Variants in XCR1 observed in about 807,000 individuals in gnomAD.
The protein encoded by XCR1 is X-C motif chemokine receptor 1.
For synonymous variants in XCR1, 187 were observed against 188.5 expected, an observed-to-expected ratio of 0.99 and a Z score of 0.06; for missense variants, 356 against 424.2, an observed-to-expected ratio of 0.84 and a Z score of 1.41.
chr3:46,021,429 C>T lies in XCR1; in HGVS notation c.519G>A (p.Ser173=), dbSNP rs941604472. ...LDTIFHKVLS[S]GCDYSELTWY... ...ACGTGAGTTCGGAATAATCACAGCCCGAAGAAAGCACCTTGTGGAAGATGG... is the reference window on the plus strand; with the variant it reads ...ACGTGAGTTCGGAATAATCACAGCCTGAAGAAAGCACCTTGTGGAAGATGG... Residue 173 remains serine, a synonymous_variant, in exon 2 of 2, where the codon TCG becomes TCA. Transcript: ENST00000309285. The surrounding 1 kb of genome is among the most constrained non-coding windows in gnomAD (Gnocchi z 4.7). 8.1e-6 allele frequency: 13 copies of T among 1,613,944 alleles called. No homozygotes were observed. The highest frequency in any genetic ancestry group is 1.6e-4 in the Middle Eastern group (1 of 6,082).
chr3:46,053,627 T>G (rs57135508), intron 5 of XCR1, among the ~76,000 whole-genome samples: 31,581 of 151,744 alleles, frequency 0.21, 3,368 homozygotes, highest in Middle Eastern at 0.34. Flanking sequence ...AGAATAACTT[T>G]AAAACCTTTT....
intron 5 of XCR1, among the ~76,000 whole-genome samples, chr3:46,040,036 C>A (rs1214033536): frequency 6.6e-6 from 1 of 151,616 alleles, no homozygotes; most frequent in Non-Finnish European, 1.5e-5. Context: ...TTAATAATAC[C>A]CCATACAAAG....
chr3:46,023,094 A>T (rs1418665763), intron 1 of XCR1, among the ~76,000 whole-genome samples: 1 of 152,206 alleles, frequency 6.6e-6, no homozygotes, highest in Non-Finnish European at 1.5e-5. Flanking sequence ...TTTTAAAAAC[A>T]CCAGCGCGTG....
At chr3:46,070,168 T>C (rs1305754682) in intron 3 of XCR1, among the ~76,000 whole-genome samples, 6 of 152,176 alleles carry the variant, frequency 3.9e-5, no homozygotes, top group African/African-American at 1.4e-4. Context: ...ATTTTGATCT[T>C]TAAAAATGCA....
At chr3:46,085,130 C>A (rs1043628687) in intron 1 of XCR1, among the ~76,000 whole-genome samples, 3 of 151,804 alleles carry the variant, frequency 2.0e-5, no homozygotes, top group Non-Finnish European at 2.9e-5. Context: ...AAAACCTTGC[C>A]CCTCTTAAGG....
intron 4 of XCR1, among the ~76,000 whole-genome samples, chr3:46,063,466 C>T (rs1698004876): frequency 1.3e-5 from 2 of 152,174 alleles, no homozygotes; most frequent in Non-Finnish European, 2.9e-5. Context: ...TTCCCCCGAC[C>T]CCTGAGTTCC....
At chr3:46,022,768 T>C (rs1208193228) in intron 1 of XCR1, among the ~76,000 whole-genome samples, 1 of 152,176 alleles carries the variant, frequency 6.6e-6, no homozygotes, top group African/African-American at 2.4e-5. Context: ...ATCCAGAGTC[T>C]ACACAACATA....
At chr3:46,081,631 A>C (rs1352147238) in intron 1 of XCR1, among the ~76,000 whole-genome samples, 1 of 152,150 alleles carries the variant, frequency 6.6e-6, no homozygotes, top group East Asian at 1.9e-4. Context: ...TGGCATTGCA[A>C]GCATTTTTGC....
chr3:46,083,526 A>G (rs1698415475), intron 1 of XCR1, among the ~76,000 whole-genome samples: 1 of 152,210 alleles, frequency 6.6e-6, no homozygotes, highest in South Asian at 2.1e-4. Flanking sequence ...CTGGCTGGCC[A>G]TCAAGAAGAT....
At chr3:46,037,980 A>C (rs923934570) in intron 5 of XCR1, among the ~76,000 whole-genome samples, 2 of 151,592 alleles carry the variant, frequency 1.3e-5, no homozygotes, top group Admixed American at 6.6e-5. Flanking sequence ...GAAGACGTTA[A>C]TCTGTGCACC....
chr3:46,069,317 A>G (rs538682143), intron 3 of XCR1, among the ~76,000 whole-genome samples: 8 of 152,340 alleles, frequency 5.3e-5, no homozygotes, highest in African/African-American at 1.9e-4. Context: ...GTTCTTTGAA[A>G]AGATCAATAA....
Position 46,020,822 on chromosome 3 carries a change from C to T in XCR1, c.*124G>A. ...TGTAATGAATGACCTTCACTGCACGCCTGCAGCGGAGGAGACGTCTCCACC... is the reference window on the plus strand; with the variant it reads ...TGTAATGAATGACCTTCACTGCACGTCTGCAGCGGAGGAGACGTCTCCACC... On this transcript the variant is annotated 3_prime_UTR_variant, in exon 2 of 2. Transcript: ENST00000309285. 1.1e-5 allele frequency: 14 copies of T among 1,320,232 alleles called. No individual in the cohort carries two copies. Among genetic ancestry groups the T allele is most frequent in the South Asian group, 1.5e-5 (1 of 64,834 alleles). The allele number at this position is 1,320,232 out of a possible 1,614,324, so 81.8% of individuals were successfully genotyped here. A position where few individuals can be genotyped will look rare whatever the true frequency, so the allele number is the denominator to read the frequency against.
chr3:46,037,106 G>A (rs1055069242), intron 5 of XCR1, among the ~76,000 whole-genome samples: 6 of 152,082 alleles, frequency 3.9e-5, no homozygotes, highest in African/African-American at 7.2e-5. Flanking sequence ...CTAATATCTG[G>A]TAGGCAGTTG....
chr3:46,032,379 A>T (rs906185602), upstream of XCR1, among the ~76,000 whole-genome samples: 1 of 152,200 alleles, frequency 6.6e-6, no homozygotes, highest in Admixed American at 6.5e-5. Flanking sequence ...CTTCACAGAG[A>T]GCCAGCATCC....
chr3:46,041,635 A>G (rs1390256973), intron 5 of XCR1, among the ~76,000 whole-genome samples: 1 of 152,210 alleles, frequency 6.6e-6, no homozygotes, highest in Non-Finnish European at 1.5e-5. Flanking sequence ...CGACCCAGTG[A>G]TCGCATAGAC....
At chr3:46,057,882 G>GTCTATCTATCTA (rs147836844) in intron 4 of XCR1, among the ~76,000 whole-genome samples, 1,407 of 134,836 alleles carry the variant, frequency 0.01, 9 homozygotes, top group Admixed American at 0.02. Context: ...TTATCTGTCT[G>GTCTATCTATCTA]TCTATCTATC....
chr3:46,020,911 C>A lies in XCR1; in HGVS notation c.*35G>T. 6.3e-7 allele frequency: 1 copy of A among 1,590,948 alleles called. No individual in the cohort carries two copies. The highest frequency in any genetic ancestry group is 1.1e-5 in the South Asian group (1 of 87,062). On this transcript the variant is annotated 3_prime_UTR_variant, in exon 2 of 2. Coordinates refer to ENST00000309285, the MANE Select transcript of XCR1 (RefSeq NM_001024644.2). ...CCATGACCCCCATTCCAGTCCCTGT[C>A]CACCTGCACCTGCGCCTGCACCGCC... is the stretch of plus-strand genomic sequence containing the variant.
chr3:46,024,121 C>T, intron 1 of XCR1: 1 of 716,474 alleles, frequency 1.4e-6, no homozygotes, highest in Non-Finnish European at 2.5e-6. Context: ...TATGGATCTC[C>T]CTGAGAATAT....
intron 5 of XCR1, among the ~76,000 whole-genome samples, chr3:46,052,366 G>A (rs13098271): frequency 0.39 from 58,568 of 151,912 alleles, 12,076 homozygotes; most frequent in South Asian, 0.53. Flanking sequence ...CCAGGCCCCC[G>A]TCTCATTTCC....
Sources: gnomAD v4.1 joint callset for allele counts (sites outside exome capture counted in the v4.1 genomes callset) on GRCh38, gnomAD v4.1.1 for gene constraint, Gnocchi (gnomAD v3.1) non-coding constraint, MANE v1.5 for transcripts, NCBI Gene and HGNC (gene_info 2026-07-23, HGNC 2026-07-21) for gene names.